The following LTBP2 variants were observed in gnomAD, a reference collection of about 807,000 sequenced individuals.
LTBP2 encodes latent transforming growth factor beta binding protein 2, also known as latent-transforming growth factor beta-binding protein 2.
In LTBP2, 103 loss-of-function variants were observed where a neutral mutation model predicts 210.6. The observed-to-expected ratio is 0.49, with a 90% CI of 0.42 to 0.58. The LOEUF (loss-of-function observed/expected upper bound fraction) is 0.58. Ranked by LOEUF, LTBP2 falls within the 20% of genes least tolerant of loss-of-function variation. The pLI, the probability that LTBP2 is intolerant of heterozygous loss-of-function variation, is 0.00. For synonymous variants in LTBP2, 1,007 were observed against 1,015.0 expected (o/e 0.99, Z 0.15); for missense variants, 2,313 against 2,494.5 (o/e 0.93, Z 1.55).
intron 3 of LTBP2, 85 bp downstream of exon 3, chr14:74,585,769 C>A: frequency 6.2e-7 from 1 of 1,601,512 alleles, no homozygotes. Context: ...TCTCCACCAG[C>A]CTTCACCAAA....
intron 25 of LTBP2, among the ~76,000 whole-genome samples, 192 bp from the exon 26 acceptor site, chr14:74,507,502 G>T (rs910461060): frequency 6.6e-6 from 1 of 152,202 alleles, no homozygotes; most frequent in Admixed American, 6.5e-5. Context: ...GAAGAGAACC[G>T]TATGCTATTT....
chr14:74,609,457 C>A (rs1368510035), intron 1 of LTBP2, among the ~76,000 whole-genome samples: 1 of 152,054 alleles, frequency 6.6e-6, no homozygotes, highest in Non-Finnish European at 1.5e-5. Flanking sequence ...TTCCCCCGCA[C>A]CTCACCTGCA....
chr14:74,554,736 T>A (rs1351101353), intron 4 of LTBP2, among the ~76,000 whole-genome samples: 1 of 152,166 alleles, frequency 6.6e-6, no homozygotes, highest in Admixed American at 6.5e-5. Context: ...GAAATAGTGG[T>A]GACGGTTGCA....
chr14:74,550,032 C>T (rs1011060473), intron 7 of LTBP2, 67 bp from the exon 8 acceptor site: 1 of 1,050,292 alleles, frequency 9.5e-7, no homozygotes, highest in East Asian at 2.4e-5. Context: ...ACAGAGATGT[C>T]CCGGGAAAGC....
chr14:74,597,322 C>T (rs1388247433), intron 2 of LTBP2, among the ~76,000 whole-genome samples: 1 of 152,194 alleles, frequency 6.6e-6, no homozygotes, highest in African/African-American at 2.4e-5. Flanking sequence ...TGGCCTCCCT[C>T]TTTGGGGTGA....
chr14:74,552,284 C>T lies in LTBP2; in HGVS notation c.1302G>A (p.Pro434=), dbSNP rs759477074. 2.9e-5 allele frequency: 47 copies of T among 1,613,222 alleles called. No individual in the cohort carries two copies. The highest frequency in any genetic ancestry group is 1.6e-4 in the South Asian group (15 of 91,084). ...ACCCCCTCCCTGGAGGCTCCCTGTC[C>T]GGCTGCGGGATAGGCAGGTGGCAGA... ...GKFCHLPIPQ[P]DREPPGRGSR... is the part of the protein sequence containing the mutation. Residue 434 remains proline (P), a synonymous_variant, in exon 6 of 36, where the codon CCG becomes CCA. Transcript: ENST00000261978.
At chr14:74,585,644 C>A (rs542980956) in intron 3 of LTBP2, among the ~76,000 whole-genome samples, 1 of 152,268 alleles carries the variant, frequency 6.6e-6, no homozygotes, top group Non-Finnish European at 1.5e-5. Flanking sequence ...CTCTTCCCAC[C>A]CCAGGCTGGC....
chr14:74,525,656 T>G (rs1025536712), intron 14 of LTBP2, among the ~76,000 whole-genome samples: 2 of 152,278 alleles, frequency 1.3e-5, no homozygotes, highest in South Asian at 4.1e-4. Context: ...TCTTCTACCG[T>G]TTTACAAGAA....
chr14:74,602,733 A>G (rs1255332118), intron 2 of LTBP2, among the ~76,000 whole-genome samples: 1 of 152,214 alleles, frequency 6.6e-6, no homozygotes, highest in African/African-American at 2.4e-5. Flanking sequence ...AGCTCTTCCT[A>G]ACTCACTCCT....
intron 2 of LTBP2, among the ~76,000 whole-genome samples, chr14:74,598,689 G>A (rs911561229): frequency 3.9e-5 from 6 of 152,148 alleles, no homozygotes; most frequent in Non-Finnish European, 7.3e-5. Context: ...TACAGAAGAG[G>A]CAACCGAGAC....
Position 74,503,339 on chromosome 14 carries a change from C to G in LTBP2, c.4768G>C (p.Val1590Leu), listed in dbSNP as rs1474278220. 1.2e-5 allele frequency: 19 copies of G among 1,613,698 alleles called. No individual in the cohort carries two copies. Among genetic ancestry groups the G allele is most frequent in the Non-Finnish European group, 1.4e-5 (17 of 1,179,996 alleles). ...GGTTCGCTGCACACATCATTGGTGA[C>G]TTTTTTCCAGCAGATGTCCATGTGG... ...DIHMDICWKKVTNDVCSEPLR... is the reference protein window; with the variant it reads ...DIHMDICWKKLTNDVCSEPLR... Residue 1590 changes from valine to leucine, a missense_variant, in exon 33 of 36, where the codon GTC becomes CTC. Val to Leu is a conservative substitution (Grantham distance 32, BLOSUM62 1). Around this residue, in one of 3 missense-constraint regions of LTBP2, gnomAD observed 443 missense variants for 501.4 expected, o/e 0.88. Coordinates refer to ENST00000261978, the MANE Select transcript of LTBP2 (RefSeq NM_000428.3).
intron 1 of LTBP2, among the ~76,000 whole-genome samples, chr14:74,608,251 C>T (rs893689406): frequency 6.6e-6 from 1 of 151,900 alleles, no homozygotes; most frequent in Admixed American, 6.6e-5. Flanking sequence ...ATTTTCAATA[C>T]CTTTTAGTGC....
chr14:74,566,173 T>C (rs1441859724), intron 3 of LTBP2, among the ~76,000 whole-genome samples: 1 of 152,162 alleles, frequency 6.6e-6, no homozygotes, highest in African/African-American at 2.4e-5. Context: ...TATTGATATT[T>C]CGTGGTACTC....
chr14:74,510,851 T>TGCGGTGG (rs1420189935), intron 19 of LTBP2, among the ~76,000 whole-genome samples: 1 of 152,200 alleles, frequency 6.6e-6, no homozygotes, highest in Non-Finnish European at 1.5e-5. Context: ...CGCCCCGCTG[T>TGCGGTGG]GCGGTGGGCG....
chr14:74,515,974 G>A (rs766094842), intron 18 of LTBP2, among the ~76,000 whole-genome samples: 29 of 152,208 alleles, frequency 1.9e-4, no homozygotes, highest in Non-Finnish European at 1.6e-4. Flanking sequence ...AGTGGTATTG[G>A]GAAGGGAAGC....
intron 15 of LTBP2, among the ~76,000 whole-genome samples, chr14:74,523,473 G>C (rs979961079): frequency 6.6e-6 from 1 of 152,098 alleles, no homozygotes; most frequent in Non-Finnish European, 1.5e-5. Flanking sequence ...CTCAGGCAAC[G>C]AGATGATGGA....
intron 8 of LTBP2, among the ~76,000 whole-genome samples, chr14:74,540,883 T>C (rs1480757856): frequency 9.3e-6 from 1 of 107,110 alleles, no homozygotes; most frequent in African/African-American, 3.6e-5. Flanking sequence ...ATATAATATA[T>C]ATATTATATA....
rs1257025827 is a variant in LTBP2, at chr14:74,555,693, C to CTCA, written c.831-1_831insTGA (p.Gly277_Thr278insGlu). ...GGGTCTGGCTGAGGCCACTCAGGGTCCTGTGGAGACAACCGCGGCACGGGG... is the reference window on the plus strand; with the variant it reads ...GGGTCTGGCTGAGGCCACTCAGGGTCTCACTGTGGAGACAACCGCGGCACGGGG... On this transcript the variant is annotated inframe_insertion and splice_region_variant. Coordinates refer to ENST00000261978, the MANE Select transcript of LTBP2 (RefSeq NM_000428.3). The CTCA allele has an allele frequency of 1.3e-6, 2 of 1,522,142 alleles. No individual in the cohort carries two copies. Among genetic ancestry groups the CTCA allele is most frequent in the Non-Finnish European group, 1.8e-6 (2 of 1,131,624 alleles). 94.3% of individuals were successfully genotyped at this position (1,522,142 alleles called of 1,614,324 possible).
chr14:74,554,254 C>A (rs899350697), intron 4 of LTBP2, among the ~76,000 whole-genome samples: 25 of 152,124 alleles, frequency 1.6e-4, no homozygotes, highest in Admixed American at 1.5e-3. Context: ...AGTCCCAGTA[C>A]TTTGGGAGGC....
Sources: gnomAD v4.1 joint callset for allele counts (sites outside exome capture counted in the v4.1 genomes callset) on GRCh38, gnomAD v4.1.1 for gene constraint, gnomAD v4.1.1 regional missense constraint, MANE v1.5 for transcripts, NCBI Gene and HGNC (gene_info 2026-07-23, HGNC 2026-07-21) for gene names.